TRIM4: variants seen among roughly 807,000 people sequenced by gnomAD.
The protein encoded by TRIM4 is tripartite motif containing 4.
Under a neutral mutation model 33.7 loss-of-function variants are expected in TRIM4, and 29 were observed. That is an observed-to-expected ratio of 0.86 (90% CI 0.64 to 1.17). The LOEUF is 1.17. Ranked by LOEUF, TRIM4 falls within the 50% of genes most tolerant of loss-of-function variation. The probability of loss-of-function intolerance (pLI) is 0.00; values close to 1 mark genes in which losing one functional copy is unlikely to be tolerated. For missense variants in TRIM4, 554 were observed against 593.7 expected, an observed-to-expected ratio of 0.93 and a Z score of 0.69; for synonymous variants, 224 against 233.0, an observed-to-expected ratio of 0.96 and a Z score of 0.35.
chr7:99,914,270 G>A (rs1332952784), intron 1 of TRIM4, among the ~76,000 whole-genome samples: 1 of 152,138 alleles, frequency 6.6e-6, no homozygotes, highest in Non-Finnish European at 1.5e-5. Context: ...TGATCCTCTA[G>A]TCTCGGCCTC....
chr7:99,903,415 T>C (rs920711821), intron 4 of TRIM4, 100 bp from the exon 5 acceptor site: 4 of 1,338,632 alleles, frequency 3.0e-6, no homozygotes, highest in African/African-American at 2.9e-5. Flanking sequence ...ATGGCTTCTG[T>C]TCCCATTCCT....
intron 5 of TRIM4, among the ~76,000 whole-genome samples, chr7:99,893,891 T>C (rs566324521): frequency 6.6e-6 from 1 of 151,652 alleles, no homozygotes; most frequent in Admixed American, 6.6e-5. Context: ...GGACTTTTTT[T>C]AAAAAAAATC....
intron 5 of TRIM4, among the ~76,000 whole-genome samples, chr7:99,899,583 G>A (rs549572042): frequency 3.9e-4 from 59 of 152,264 alleles, no homozygotes; most frequent in African/African-American, 1.4e-3. Flanking sequence ...CTGTATCATA[G>A]TATACTTTCA....
chr7:99,894,268 C>T (rs2151640762), intron 5 of TRIM4, among the ~76,000 whole-genome samples: 1 of 152,260 alleles, frequency 6.6e-6, no homozygotes, highest in African/African-American at 2.4e-5. Flanking sequence ...ATACAGGCCT[C>T]ACAGAAAGAA....
intron 2 of TRIM4, among the ~76,000 whole-genome samples, chr7:99,909,133 G>GGTGGGTGTGTGTGTGTGTGT (rs1554452960): frequency 6.7e-6 from 1 of 148,410 alleles, no homozygotes; most frequent in Non-Finnish European, 1.5e-5. Context: ...GGAGTGTGAG[G>GGTGGGTGTGTGTGTGTGTGT]GTGTGTGTGT....
chr7:99,900,992 A>C (rs780017157), intron 5 of TRIM4, among the ~76,000 whole-genome samples: 6 of 151,998 alleles, frequency 3.9e-5, no homozygotes, highest in Non-Finnish European at 5.9e-5. Context: ...TATTCAGAAA[A>C]TCTTTGGCCA....
Position 99,919,104 on chromosome 7 carries a change from C to G in TRIM4, c.298G>C (p.Asp100His), listed in dbSNP as rs1184078638. 1.3e-6 allele frequency: 2 copies of G among 1,532,056 alleles called. No homozygotes were observed. The highest frequency in any genetic ancestry group is 5.3e-5 in the East Asian group (2 of 38,060). 94.9% of individuals were successfully genotyped at this position (1,532,056 alleles called of 1,614,324 possible). ...ACCAGGCACACTGGCCGCTGGTCGT[C>G]CTCGCAGAAGAGCCGCAGCGGCTCC... Reference protein sequence around the residue: ...HWEPLRLFCEDDQRPVCLVCR... With the variant: ...HWEPLRLFCEHDQRPVCLVCR... Residue 100 changes from aspartate to histidine, a missense_variant, in exon 1 of 6, where the codon GAC becomes CAC. Asp to His is a moderately conservative substitution (Grantham distance 81). Coordinates refer to ENST00000349062, the MANE Select transcript of TRIM4 (RefSeq NM_033091.3).
Position 99,919,517 on chromosome 7 carries a change from A to G in TRIM4, c.-116T>C, listed in dbSNP as rs1819644757. 3 of 1,196,102 alleles carry G rather than the reference A, an allele frequency of 2.5e-6. No individual in the cohort carries two copies. Among genetic ancestry groups the G allele is most frequent in the Admixed American group, 3.4e-5 (1 of 29,112 alleles). 74.1% of individuals were successfully genotyped at this position (1,196,102 alleles called of 1,614,324 possible). A position where few individuals can be genotyped will look rare whatever the true frequency, so the allele number is the denominator to read the frequency against. On this transcript the variant is annotated 5_prime_UTR_variant, in exon 1 of 6. Transcript: ENST00000349062. ...CGAACCGCCGTCACCGCCTCACGTA[A>G]AAGGGTACAACGCAGTTTCTCTTCC...
chr7:99,891,409 T>A lies in TRIM4; in HGVS notation c.*754A>T, dbSNP rs866422274. ...ATTTAACAAGCGTTCAACATTCTCA[T>A]GATGACATGAATAACACTGTACATA... is the stretch of plus-strand genomic sequence containing the variant. On this transcript the variant is annotated 3_prime_UTR_variant, in exon 6 of 6. Transcript: ENST00000349062. The A allele has an allele frequency of 6.6e-6, 1 of 152,238 alleles. No individual in the cohort carries two copies. The highest frequency in any genetic ancestry group is 2.4e-5 in the African/African-American group (1 of 41,450). The allele number at this position is 152,238 out of a possible 1,614,324, so 9.4% of individuals were successfully genotyped here. A position where few individuals can be genotyped will look rare whatever the true frequency, so the allele number is the denominator to read the frequency against.
chr7:99,915,017 C>T (rs905897958), intron 1 of TRIM4, among the ~76,000 whole-genome samples: 3 of 152,086 alleles, frequency 2.0e-5, no homozygotes, highest in Admixed American at 1.3e-4. Flanking sequence ...ACCATGTTGG[C>T]CAGGCTGGTC....
intron 1 of TRIM4, among the ~76,000 whole-genome samples, chr7:99,912,832 T>C (rs1819476332): frequency 6.6e-6 from 1 of 152,250 alleles, no homozygotes; most frequent in South Asian, 2.1e-4. Context: ...CATACAGTTC[T>C]GTTAAATGGC....
intron 4 of TRIM4, 60 bp from the exon 5 acceptor site, chr7:99,903,375 C>G (rs1428143740): frequency 2.1e-6 from 3 of 1,419,848 alleles, no homozygotes; most frequent in Non-Finnish European, 2.9e-6. Context: ...ACCTCCACTC[C>G]CGGTCAAAGG....
chr7:99,909,426 G>A, intron 2 of TRIM4, 139 bp downstream of exon 2: 1 of 627,140 alleles, frequency 1.6e-6, no homozygotes, highest in South Asian at 2.2e-5. Flanking sequence ...ACATGATATG[G>A]AGGAAACAGA....
At chr7:99,900,430 G>C (rs556090720) in intron 5 of TRIM4, among the ~76,000 whole-genome samples, 3 of 152,174 alleles carry the variant, frequency 2.0e-5, no homozygotes, top group African/African-American at 7.2e-5. Flanking sequence ...CCAATATCTG[G>C]GCACTCTGTG....
intron 1 of TRIM4, among the ~76,000 whole-genome samples, chr7:99,914,799 T>C (rs976836841): frequency 2.6e-5 from 4 of 151,868 alleles, no homozygotes; most frequent in African/African-American, 4.8e-5. Flanking sequence ...GCACTTTTTC[T>C]TTTTTTCTTT....
chr7:99,891,917 A>C lies in TRIM4; in HGVS notation c.*246T>G. On this transcript the variant is annotated 3_prime_UTR_variant, in exon 6 of 6. Transcript: ENST00000349062. Reference sequence around the variant, plus strand: ...ATGTCTTCCCCGCACATCTCTTTAAAAGCTACAAAAAGATTTCCCAAAAGC... The same window carrying C: ...ATGTCTTCCCCGCACATCTCTTTAACAGCTACAAAAAGATTTCCCAAAAGC... The C allele has an allele frequency of 2.3e-6, 1 of 442,954 alleles. No individual in the cohort carries two copies. Among genetic ancestry groups the C allele is most frequent in the Non-Finnish European group, 4.0e-6 (1 of 251,440 alleles). 27.4% of individuals were successfully genotyped at this position (442,954 alleles called of 1,614,324 possible).
At chr7:99,897,920 T>C (rs1819059001) in intron 5 of TRIM4, among the ~76,000 whole-genome samples, 1 of 152,202 alleles carries the variant, frequency 6.6e-6, no homozygotes, top group African/African-American at 2.4e-5. Context: ...CCACTAAACA[T>C]CTCACCTGTT....
Position 99,919,407 on chromosome 7 carries a change from TTCCCTG to T in TRIM4, c.-12_-7del. ...TGGATGTCCTCAGCTTCCATGCTGC[TTCCCTG>T]CCGCGGAGACGGAGTCCGACGTGAG... On this transcript the variant is annotated 5_prime_UTR_variant, in exon 1 of 6. Coordinates refer to ENST00000349062, the MANE Select transcript of TRIM4 (RefSeq NM_033091.3). The T allele has an allele frequency of 6.5e-7, 1 of 1,533,470 alleles. No homozygotes were observed. Among genetic ancestry groups the T allele is most frequent in the Non-Finnish European group, 8.8e-7 (1 of 1,142,508 alleles). 95.0% of individuals were successfully genotyped at this position (1,533,470 alleles called of 1,614,324 possible).
chr7:99,892,838 C>G (rs1387756480), intron 5 of TRIM4, 92 bp from the exon 6 acceptor site: 1 of 1,125,014 alleles, frequency 8.9e-7, no homozygotes, highest in South Asian at 1.5e-5. Context: ...TTTCATCTTT[C>G]TCCTCCTAAC....
Sources: gnomAD v4.1 joint callset for allele counts (sites outside exome capture counted in the v4.1 genomes callset) on GRCh38, gnomAD v4.1.1 for gene constraint, MANE v1.5 for transcripts, NCBI Gene and HGNC (gene_info 2026-07-23, HGNC 2026-07-21) for gene names.